The following EFCAB5 variants were observed in gnomAD, a reference collection of about 807,000 sequenced individuals.
EFCAB5 encodes the protein EF-hand calcium-binding domain-containing protein 5.
EFCAB5 carries 131 observed loss-of-function variants against 167.9 expected under a neutral mutation model. The ratio of observed to expected loss-of-function variants is 0.78; its 90% CI spans 0.68 to 0.90. EFCAB5 has a LOEUF of 0.90. EFCAB5 is among the 40% of genes least tolerant of loss of function. The pLI, the probability that EFCAB5 is intolerant of heterozygous loss-of-function variation, is 0.00. For synonymous variants in EFCAB5, 574 were observed against 602.8 expected (o/e 0.95, Z 0.70); for missense variants, 1,663 against 1,745.2 (o/e 0.95, Z 0.84).
chr17:30,089,890 G>A (rs988731173), intron 19 of EFCAB5, among the ~76,000 whole-genome samples: 16 of 152,292 alleles, frequency 1.1e-4, no homozygotes, highest in African/African-American at 3.1e-4. Context: ...GGATCAGGCC[G>A]AGGCTAGACT....
In EFCAB5 at chr17:30,034,379, C is replaced by T. The variant is rs370580152; in HGVS notation, c.1194C>T (p.His398=). The change falls in exon 8 of 23, where the codon CAC becomes CAT. Residue 398 remains histidine, a synonymous_variant. Transcript: ENST00000394835. The part of the protein sequence containing the change: ...MFAELFLHCD[H]GKVGFLDRQR... ...CTGAACTCTTCCTACATTGTGACCA[C>T]GGGAAGGTGGGTTAAGACATTTAAA... 1.0e-5 allele frequency: 16 copies of T among 1,593,958 alleles called. No homozygotes were observed. The highest frequency in any genetic ancestry group is 5.4e-5 in the African/African-American group (4 of 74,616).
At position 30,080,122 on chromosome 17, in the gene EFCAB5, A is replaced by G; in HGVS notation, c.3078A>G (p.Leu1026=). The part of the protein sequence containing the change: ...NKKISAHISL[L]EENLLLPEKG... ...AGATCAGTGCTCACATTTCCCTCTT[A>G]GAAGAAAACCTACTACTGCCTGAGA... The change falls in exon 16 of 23, where the codon TTA becomes TTG. Residue 1026 remains leucine (L), a synonymous_variant. Transcript: ENST00000394835. The G allele has an allele frequency of 1.2e-6, 2 of 1,613,662 alleles. No individual in the cohort carries two copies. The highest frequency in any genetic ancestry group is 2.2e-5 in the South Asian group (2 of 91,012).
intron 14 of EFCAB5, 81 bp downstream of exon 14, chr17:30,059,782 T>C: frequency 8.2e-7 from 1 of 1,213,382 alleles, no homozygotes; most frequent in Non-Finnish European, 1.1e-6. Flanking sequence ...ACAGTTAAAA[T>C]ACTGGTTATG....
intron 2 of EFCAB5, among the ~76,000 whole-genome samples, 151 bp downstream of exon 2, chr17:29,942,453 A>T (rs2067313581): frequency 6.6e-6 from 1 of 152,194 alleles, no homozygotes; most frequent in South Asian, 2.1e-4. Flanking sequence ...TATTAAGCTG[A>T]TTCATTTGAG....
At chr17:30,104,279 AATT>A (rs1444372429) in intron 22 of EFCAB5, among the ~76,000 whole-genome samples, 2 of 152,146 alleles carry the variant, frequency 1.3e-5, no homozygotes, top group African/African-American at 4.8e-5. Flanking sequence ...CATCTATACT[AATT>A]ATCCATCATC....
At chr17:29,976,239 A>G (rs1170629352) in intron 4 of EFCAB5, among the ~76,000 whole-genome samples, 1 of 152,214 alleles carries the variant, frequency 6.6e-6, no homozygotes, top group East Asian at 1.9e-4. Context: ...GCACACTAGG[A>G]CATTGGGTTC....
At chr17:30,092,475 C>T (rs1349909350) in intron 21 of EFCAB5, among the ~76,000 whole-genome samples, 1 of 152,138 alleles carries the variant, frequency 6.6e-6, no homozygotes, top group Non-Finnish European at 1.5e-5. Flanking sequence ...GCAACCTCCA[C>T]CTCCTGGGTT....
intron 13 of EFCAB5, among the ~76,000 whole-genome samples, chr17:30,058,800 T>C (rs1282095276): frequency 2.0e-5 from 3 of 152,046 alleles, no homozygotes; most frequent in African/African-American, 7.2e-5. Context: ...GCTCAGGAAT[T>C]TGAAGTTACA....
At position 30,034,213 on chromosome 17, in the gene EFCAB5, T is replaced by C. The variant is rs550059704; in HGVS notation, c.1045-17T>C. 6.2e-7 allele frequency: 1 copy of C among 1,605,042 alleles called. No homozygotes were observed. The highest frequency in any genetic ancestry group is 1.3e-5 in the African/African-American group (1 of 74,686). The stretch of plus-strand genomic sequence containing the variant: ...GGTTTTAAGTCAATCGTTTATCCTC[T>C]TTTTTTTCCCCTGTAGTACATCTCT... On this transcript the variant is annotated splice_polypyrimidine_tract_variant and intron_variant, in intron 7 of 22. Transcript: ENST00000394835.
At chr17:30,049,691 CA>C (rs973957769) in intron 8 of EFCAB5, among the ~76,000 whole-genome samples, 1 of 151,998 alleles carries the variant, frequency 6.6e-6, no homozygotes. Flanking sequence ...TATCAGATTA[CA>C]AAAAATAATA....
intron 7 of EFCAB5, among the ~76,000 whole-genome samples, chr17:30,022,768 G>C (rs1278233944): frequency 6.6e-6 from 1 of 152,000 alleles, no homozygotes; most frequent in African/African-American, 2.4e-5. Context: ...GACTATATCA[G>C]GTTTGTTTTA....
chr17:30,055,062 C>T (rs1298000604), intron 10 of EFCAB5, among the ~76,000 whole-genome samples: 1 of 152,090 alleles, frequency 6.6e-6, no homozygotes, highest in African/African-American at 2.4e-5. Context: ...CTTTGAGAGG[C>T]TGAGACGGGT....
At chr17:30,096,021 A>C (rs904018630) in intron 22 of EFCAB5, among the ~76,000 whole-genome samples, 2 of 152,246 alleles carry the variant, frequency 1.3e-5, no homozygotes, top group African/African-American at 4.8e-5. Flanking sequence ...GCTTGAGAAC[A>C]GATTTCCTTT....
chr17:29,981,722 G>T (rs8079292), intron 4 of EFCAB5, among the ~76,000 whole-genome samples: 124,631 of 152,094 alleles, frequency 0.82, 51,159 homozygotes, highest in Middle Eastern at 0.89. Flanking sequence ...TTTGCTTTTT[G>T]GTTTTTAGAT....
At chr17:30,066,445 T>C (rs2070573722) in intron 14 of EFCAB5, among the ~76,000 whole-genome samples, 1 of 152,058 alleles carries the variant, frequency 6.6e-6, no homozygotes, top group Non-Finnish European at 1.5e-5. Context: ...TGAGGTCCTA[T>C]GCCATCATAA....
chr17:30,074,671 T>A (rs1025763485), intron 14 of EFCAB5: 1 of 152,196 alleles, frequency 6.6e-6, no homozygotes, highest in African/African-American at 2.4e-5. Context: ...TAATAAATAC[T>A]TAGGAGTGGA....
chr17:30,097,052 ATATATATATTT>A (rs1567777468), intron 22 of EFCAB5, among the ~76,000 whole-genome samples: 1,714 of 80,938 alleles, frequency 0.021, 69 homozygotes, highest in African/African-American at 0.11. Flanking sequence ...ACATATACAT[ATATATATATTT>A]TTTTTTTTTT....
At chr17:30,032,973 C>T (rs549724434) in intron 7 of EFCAB5, among the ~76,000 whole-genome samples, 13 of 152,270 alleles carry the variant, frequency 8.5e-5, no homozygotes, top group Admixed American at 7.2e-4. Flanking sequence ...TAAGTGTTCC[C>T]CCTGGTTCAA....
chr17:30,009,433 C>T (rs1434870645), intron 7 of EFCAB5, among the ~76,000 whole-genome samples: 1 of 152,148 alleles, frequency 6.6e-6, no homozygotes, highest in African/African-American at 2.4e-5. Flanking sequence ...AAATCTCTTT[C>T]TGTCTCCATA....
Sources: gnomAD v4.1 joint callset for allele counts (sites outside exome capture counted in the v4.1 genomes callset) on GRCh38, gnomAD v4.1.1 for gene constraint, MANE v1.5 for transcripts, NCBI Gene and HGNC (gene_info 2026-07-23, HGNC 2026-07-21) for gene names.